Variants in ANO3 observed in about 807,000 individuals in gnomAD.
ANO3 encodes the protein anoctamin 3, also known as anoctamin-3.
ANO3 carries 99 observed loss-of-function variants against 144.8 expected under a neutral mutation model. The ratio of observed to expected loss-of-function variants is 0.68; its 90% CI spans 0.58 to 0.81. The LOEUF (loss-of-function observed/expected upper bound fraction) is 0.81. Ranked by LOEUF, ANO3 falls within the 30% of genes least tolerant of loss-of-function variation. The pLI, the probability that ANO3 is intolerant of heterozygous loss-of-function variation, is 0.00. For missense variants in ANO3, 905 were observed against 1,202.2 expected, an observed-to-expected ratio of 0.75 and a Z score of 3.66; for synonymous variants, 414 against 392.6, an observed-to-expected ratio of 1.05 and a Z score of -0.64.
intron 15 of ANO3, 53 bp from the exon 16 acceptor site, chr11:26,598,805 T>A: frequency 6.4e-7 from 1 of 1,569,850 alleles, no homozygotes; most frequent in South Asian, 1.2e-5. Context: ...CTTGGGGGTA[T>A]GTTTTTTTAG....
chr11:26,425,778 G>C (rs76704430), intron 1 of ANO3, among the ~76,000 whole-genome samples: 1,980 of 152,156 alleles, frequency 0.013, 37 homozygotes, highest in African/African-American at 0.044. Context: ...TCTCAGTTAT[G>C]TTCACTCTGT....
At chr11:26,307,359 T>C (rs1564958391), upstream of ANO3, among the ~76,000 whole-genome samples, 2 of 150,794 alleles carry the variant, frequency 1.3e-5, no homozygotes, top group African/African-American at 4.9e-5. Flanking sequence ...TGTCTCAAAA[T>C]AAATAAGTAA....
chr11:26,253,160 T>C (rs1217363442), intron 1 of ANO3, among the ~76,000 whole-genome samples: 1 of 152,164 alleles, frequency 6.6e-6, no homozygotes, highest in African/African-American at 2.4e-5. Context: ...AGCACTTCTC[T>C]ACACACAAAA....
intron 1 of ANO3, among the ~76,000 whole-genome samples, chr11:26,428,611 G>A (rs1252947373): frequency 6.6e-6 from 1 of 152,104 alleles, no homozygotes; most frequent in Non-Finnish European, 1.5e-5. Context: ...GAACTCAGAG[G>A]ATATTGCAAC....
rs113500978 is a variant in ANO3 at position 26,578,739 on chromosome 11, G to A, written c.1447+18960G>A. On this transcript the variant is annotated intron_variant, in intron 14 of 26. Coordinates refer to ENST00000256737, the MANE Select transcript of ANO3 (RefSeq NM_031418.4). ...GCTGTGTGTAGAATATGGGGATAGAGGCCTATTGCTAAAATGGAGAGTTAT... is the reference window on the plus strand; with the variant it reads ...GCTGTGTGTAGAATATGGGGATAGAAGCCTATTGCTAAAATGGAGAGTTAT... 1.8e-4 allele frequency among the ~76,000 whole-genome samples: 27 copies of A among 152,126 alleles called. 1 individual carries two copies. Among genetic ancestry groups the A allele is most frequent in the African/African-American group, 6.3e-4 (26 of 41,480 alleles).
At chr11:26,353,267 A>C (rs1295761119) in intron 1 of ANO3, among the ~76,000 whole-genome samples, 2 of 152,162 alleles carry the variant, frequency 1.3e-5, no homozygotes, top group South Asian at 2.1e-4. Flanking sequence ...TGAGTGTATA[A>C]TGACATCCTA....
At chr11:26,310,838 A>C (rs1354529709) in intron 1 of ANO3, among the ~76,000 whole-genome samples, 2 of 152,240 alleles carry the variant, frequency 1.3e-5, no homozygotes, top group Non-Finnish European at 2.9e-5. Context: ...TGCCAAAGTC[A>C]GATTTCGGAG....
chr11:26,254,862 C>T (rs1459729248), intron 1 of ANO3, among the ~76,000 whole-genome samples: 1 of 152,144 alleles, frequency 6.6e-6, no homozygotes, highest in African/African-American at 2.4e-5. Context: ...CAGTACAACA[C>T]TCTTACAGTG....
chr11:26,328,231 TATAC>T (rs1854939997), upstream of ANO3, among the ~76,000 whole-genome samples: 1 of 152,198 alleles, frequency 6.6e-6, no homozygotes. Flanking sequence ...ATTCTGCTGT[TATAC>T]TGTCACATGT....
At chr11:26,534,923 A>C (rs411496) in intron 9 of ANO3, among the ~76,000 whole-genome samples, 107,350 of 151,836 alleles carry the variant, frequency 0.71, 38,290 homozygotes, top group East Asian at 0.84. Flanking sequence ...TTACGTGTCC[A>C]TGCTTAGGGA....
intron 1 of ANO3, among the ~76,000 whole-genome samples, chr11:26,381,659 G>C (rs1230436208): frequency 6.6e-6 from 1 of 152,102 alleles, no homozygotes; most frequent in Non-Finnish European, 1.5e-5. Context: ...GATTTCATTG[G>C]CTGTCATATA....
intron 1 of ANO3, among the ~76,000 whole-genome samples, chr11:26,355,361 A>G (rs1258191597): frequency 6.6e-6 from 1 of 152,110 alleles, no homozygotes; most frequent in Non-Finnish European, 1.5e-5. Context: ...CTTTTATAGC[A>G]TTATTCTGCT....
chr11:26,531,121 T>G, intron 7 of ANO3, 84 bp from the exon 8 acceptor site: 1 of 1,471,930 alleles, frequency 6.8e-7, no homozygotes, highest in Non-Finnish European at 9.3e-7. Context: ...GAAGTTTCTT[T>G]AGTACTTAAG....
intron 1 of ANO3, among the ~76,000 whole-genome samples, chr11:26,335,907 T>G (rs1188813226): frequency 6.6e-6 from 1 of 152,190 alleles, no homozygotes; most frequent in Non-Finnish European, 1.5e-5. Flanking sequence ...TAGTTTTGAA[T>G]TTTACTCCAC....
chr11:26,534,329 T>C, intron 8 of ANO3, 127 bp from the exon 9 acceptor site: 1 of 550,090 alleles, frequency 1.8e-6, no homozygotes, highest in South Asian at 3.3e-5. Flanking sequence ...GTCAATTTTT[T>C]TTTAAAGAGG....
chr11:26,457,080 T>TG, intron 3 of ANO3, among the ~76,000 whole-genome samples: 1 of 63,662 alleles, frequency 1.6e-5, no homozygotes, highest in Middle Eastern at 0.011. Context: ...TGTTGTGGGG[T>TG]GGGGGGAGGG....
intron 1 of ANO3, among the ~76,000 whole-genome samples, chr11:26,212,362 C>CA (rs1851951784): frequency 6.8e-6 from 1 of 146,568 alleles, no homozygotes; most frequent in South Asian, 2.1e-4. Flanking sequence ...GTTTTTTTTT[C>CA]AAAGATTAAC....
chr11:26,531,470 A>G, intron 8 of ANO3, 134 bp downstream of exon 8: 1 of 1,039,446 alleles, frequency 9.6e-7, no homozygotes, highest in South Asian at 1.8e-5. Flanking sequence ...TAAAATACAC[A>G]CTTAACTTAT....
intron 3 of ANO3, among the ~76,000 whole-genome samples, chr11:26,462,642 G>A (rs1280352399): frequency 6.6e-6 from 1 of 151,772 alleles, no homozygotes. Context: ...CAAGATCAAT[G>A]CAGTTTTTAA....
Sources: allele counts gnomAD v4.1 joint callset (sites outside exome capture counted in the v4.1 genomes callset), GRCh38; gene constraint gnomAD v4.1.1; transcripts MANE v1.5; gene names NCBI Gene and HGNC (gene_info 2026-07-23, HGNC 2026-07-21).